HNF1B: variants seen among roughly 807,000 people sequenced by gnomAD.
HNF1B encodes the protein hepatocyte nuclear factor 1-beta.
In HNF1B, 8 loss-of-function variants were observed where a neutral mutation model predicts 61.7. That is an observed-to-expected ratio of 0.13 (90% CI 0.08 to 0.23). The LOEUF (loss-of-function observed/expected upper bound fraction) is 0.23, where lower values mean the gene tolerates loss of function less well. Ranked by LOEUF, HNF1B falls within the 10% of genes least tolerant of loss-of-function variation. The probability of loss-of-function intolerance (pLI) is 1.00; values close to 1 mark genes in which losing one functional copy is unlikely to be tolerated. For missense variants in HNF1B, 562 were observed against 714.5 expected (o/e 0.79, Z 2.43); for synonymous variants, 314 against 287.7 (o/e 1.09, Z -0.93).
intron 4 of HNF1B, chr17:37,728,533 C>T (rs1365900911): frequency 6.6e-6 from 1 of 151,774 alleles, no homozygotes; most frequent in Non-Finnish European, 1.5e-5. Context: ...GCCTCGATCT[C>T]CTGACTTCGT....
chr17:37,698,075 T>C (rs889664691), intron 8 of HNF1B, among the ~76,000 whole-genome samples: 2 of 151,976 alleles, frequency 1.3e-5, no homozygotes, highest in African/African-American at 4.8e-5. Context: ...CCTGATCCCA[T>C]GAAGGAACCT....
Position 37,744,572 on chromosome 17 carries a change from C to T in HNF1B, c.313G>A (p.Glu105Lys), listed in dbSNP as rs199572129. The T allele has an allele frequency of 6.4e-5, 102 of 1,605,720 alleles. No individual in the cohort carries two copies. In the East Asian group the frequency reaches 1.9e-3, roughly 29 times the overall value. ...LQALNTEEAA[E>K]QRAEVDRMLS... The stretch of plus-strand genomic sequence containing the variant: ...ATCCGGTCCACCTCCGCCCGCTGCT[C>T]CGCCGCCTCCTCGGTGTTGAGCGCC... Residue 105 changes from glutamate (E) to lysine (K), a missense_variant, in exon 1 of 9, where the codon GAG becomes AAG. This residue lies in a region of HNF1B where 148 missense variants were observed against 147.3 expected (regional missense o/e 1.00). Transcript: ENST00000617811.
chr17:37,709,313 G>A (rs538391305), intron 5 of HNF1B, among the ~76,000 whole-genome samples: 1 of 152,234 alleles, frequency 6.6e-6, no homozygotes, highest in Non-Finnish European at 1.5e-5. Context: ...GGAGTGCAGT[G>A]GTGTGAGCTC....
At chr17:37,696,828 G>C (rs757409862) in intron 8 of HNF1B, among the ~76,000 whole-genome samples, 57 of 152,204 alleles carry the variant, frequency 3.7e-4, no homozygotes, top group Non-Finnish European at 6.2e-4. Flanking sequence ...CTTAGGAACA[G>C]AGTTTGTACA....
At chr17:37,692,670 G>A (rs1484493368) in intron 8 of HNF1B, among the ~76,000 whole-genome samples, 1 of 152,182 alleles carries the variant, frequency 6.6e-6, no homozygotes, top group Admixed American at 6.5e-5. Flanking sequence ...CAGGCATTTG[G>A]CTAAGCCCAA....
chr17:37,688,385 A>G (rs936166194), intron 8 of HNF1B, among the ~76,000 whole-genome samples: 2 of 110,688 alleles, frequency 1.8e-5, no homozygotes, highest in East Asian at 4.5e-4. Flanking sequence ...CCCCAAACAC[A>G]CACACACACA....
chr17:37,735,352 A>G (rs1006365953), intron 2 of HNF1B, among the ~76,000 whole-genome samples: 2 of 152,160 alleles, frequency 1.3e-5, no homozygotes, highest in South Asian at 2.1e-4. Context: ...TCTTAGGCTC[A>G]TTTCCATTTT....
At chr17:37,718,110 G>A (rs958459604) in intron 4 of HNF1B, among the ~76,000 whole-genome samples, 2 of 151,616 alleles carry the variant, frequency 1.3e-5, no homozygotes, top group African/African-American at 4.9e-5. Context: ...CCACAAACTG[G>A]TTTTCTTATT....
Position 37,689,116 on chromosome 17 carries a change from G to A in HNF1B, c.1654-1724C>T, listed in dbSNP as rs542788813. Among the ~76,000 whole-genome samples, 140 of 138,280 alleles carry A rather than the reference G, an allele frequency of 1.0e-3. 1 individual carries two copies. The highest frequency in any genetic ancestry group is 1.8e-3 in the Non-Finnish European group (120 of 66,260). The allele number at this position is 138,280 out of a possible 152,430, so 90.7% of individuals were successfully genotyped here. On this transcript the variant is annotated intron_variant, in intron 8 of 8. Coordinates refer to ENST00000617811, the MANE Select transcript of HNF1B (RefSeq NM_000458.4). ...GCCGATATTATGCTACTGCACTCCA[G>A]CCTGGGCGACAGAGCAAGACTTGGT...
chr17:37,710,867 C>T (rs1317341520), intron 4 of HNF1B, among the ~76,000 whole-genome samples: 3 of 152,194 alleles, frequency 2.0e-5, no homozygotes, highest in Admixed American at 1.3e-4. Flanking sequence ...GTAAGCGCCA[C>T]GAGGGCAGGA....
At chr17:37,709,053 C>T (rs1265919550) in intron 5 of HNF1B, among the ~76,000 whole-genome samples, 2 of 152,074 alleles carry the variant, frequency 1.3e-5, no homozygotes, top group Admixed American at 1.3e-4. Flanking sequence ...CCACCTTCAG[C>T]ATGAAAGTCG....
intron 4 of HNF1B, among the ~76,000 whole-genome samples, chr17:37,718,535 C>T (rs142091878): frequency 1.4e-4 from 22 of 152,256 alleles, no homozygotes; most frequent in East Asian, 1.9e-4. Context: ...TTGTTTGCAC[C>T]GCTCCTTGCT....
At chr17:37,725,427 G>C (rs1409142637) in intron 4 of HNF1B, among the ~76,000 whole-genome samples, 5 of 152,222 alleles carry the variant, frequency 3.3e-5, no homozygotes, top group Admixed American at 6.5e-5. Flanking sequence ...GCTGACAGCA[G>C]AACACCCTGA....
At chr17:37,708,302 CAA>C (rs1310594493) in intron 5 of HNF1B, among the ~76,000 whole-genome samples, 2 of 152,172 alleles carry the variant, frequency 1.3e-5, no homozygotes, top group African/African-American at 4.8e-5. Context: ...GTGTTGGAGA[CAA>C]GAGAAAAGCC....
At chr17:37,718,284 G>A (rs1229302985) in intron 4 of HNF1B, among the ~76,000 whole-genome samples, 6 of 152,180 alleles carry the variant, frequency 3.9e-5, no homozygotes, top group Non-Finnish European at 8.8e-5. Flanking sequence ...TCCCCCACAA[G>A]GTCTACCTGG....
chr17:37,738,094 G>T (rs543305955), intron 2 of HNF1B, among the ~76,000 whole-genome samples: 1 of 152,212 alleles, frequency 6.6e-6, no homozygotes, highest in Non-Finnish European at 1.5e-5. Flanking sequence ...GCGTTGTTGG[G>T]TCTTTGGAGA....
At chr17:37,701,640 T>G (rs1398552397) in intron 6 of HNF1B, among the ~76,000 whole-genome samples, 1 of 152,134 alleles carries the variant, frequency 6.6e-6, no homozygotes, top group Non-Finnish European at 1.5e-5. Context: ...ACCCAAATTT[T>G]GACTAAAAAC....
At chr17:37,709,377 G>T (rs1238160415) in intron 5 of HNF1B, among the ~76,000 whole-genome samples, 1 of 152,048 alleles carries the variant, frequency 6.6e-6, no homozygotes, top group Non-Finnish European at 1.5e-5. Context: ...AGCCTCCCGA[G>T]TAGCTGGGAT....
At chr17:37,725,512 A>C (rs1438428496) in intron 4 of HNF1B, among the ~76,000 whole-genome samples, 1 of 152,214 alleles carries the variant, frequency 6.6e-6, no homozygotes, top group Non-Finnish European at 1.5e-5. Flanking sequence ...GGTGGTACCC[A>C]CAAGATAAAA....
Sources: allele counts gnomAD v4.1 joint callset (sites outside exome capture counted in the v4.1 genomes callset), GRCh38; gene constraint gnomAD v4.1.1; regional missense constraint gnomAD v4.1.1; transcripts MANE v1.5; gene names NCBI Gene and HGNC (gene_info 2026-07-23, HGNC 2026-07-21).